PDE1A: variants seen among roughly 807,000 people sequenced by gnomAD.
PDE1A encodes the protein phosphodiesterase 1A.
A neutral mutation model predicts 61.7 loss-of-function variants in PDE1A; 35 were observed. The observed-to-expected ratio is 0.57, with a 90% CI of 0.43 to 0.75. PDE1A has a LOEUF of 0.75. Ranked by LOEUF, PDE1A falls within the 30% of genes least tolerant of loss-of-function variation. The pLI, the probability that PDE1A is intolerant of heterozygous loss-of-function variation, is 0.00. For synonymous variants in PDE1A, 232 were observed against 213.2 expected, an observed-to-expected ratio of 1.09 and a Z score of -0.77; for missense variants, 597 against 630.6, an observed-to-expected ratio of 0.95 and a Z score of 0.57.
chr2:182,517,367 T>G (rs535038388), intron 2 of PDE1A, among the ~76,000 whole-genome samples: 89 of 152,348 alleles, frequency 5.8e-4, no homozygotes, highest in African/African-American at 2.0e-3. Flanking sequence ...TGAATCTATC[T>G]CCAATCCTCC....
the PDE1A span, among the ~76,000 whole-genome samples, chr2:182,700,179 A>G: frequency 6.6e-6 from 1 of 152,138 alleles, no homozygotes; most frequent in Non-Finnish European, 1.5e-5. Flanking sequence ...CCAGTGATTT[A>G]CTCTCATGTT....
chr2:182,468,316 A>G (rs1574731945), intron 2 of PDE1A, among the ~76,000 whole-genome samples: 1 of 151,994 alleles, frequency 6.6e-6, no homozygotes, highest in Non-Finnish European at 1.5e-5. Flanking sequence ...GTACAAGTTT[A>G]TATCTGTTAT....
the PDE1A span, among the ~76,000 whole-genome samples, chr2:182,667,886 T>C: frequency 3.9e-5 from 6 of 152,194 alleles, no homozygotes; most frequent in African/African-American, 7.2e-5. Flanking sequence ...TAGGGCTTTA[T>C]TAGAAGCCAT....
At chr2:182,230,416 AG>A (rs2125640673) in intron 5 of PDE1A, among the ~76,000 whole-genome samples, 1 of 152,240 alleles carries the variant, frequency 6.6e-6, no homozygotes, top group East Asian at 1.9e-4. Context: ...TCTTCCGGAG[AG>A]TAGGAAGGCT....
intron 1 of PDE1A, among the ~76,000 whole-genome samples, chr2:182,328,999 G>A (rs1180920095): frequency 6.6e-6 from 1 of 152,090 alleles, no homozygotes; most frequent in South Asian, 2.1e-4. Context: ...CTTTTCTCTA[G>A]GGAAAGAATC....
intron 1 of PDE1A, among the ~76,000 whole-genome samples, chr2:182,367,418 T>C (rs1181649208): frequency 7.9e-5 from 12 of 152,082 alleles, no homozygotes; most frequent in Non-Finnish European, 7.4e-5. Context: ...TATCTTCATA[T>C]GTTTCAAGTT....
At chr2:182,279,616 C>T (rs1693670148) in intron 1 of PDE1A, among the ~76,000 whole-genome samples, 1 of 151,774 alleles carries the variant, frequency 6.6e-6, no homozygotes, top group South Asian at 2.1e-4. Context: ...TTTCTTTGGT[C>T]TTTCTCATTC....
chr2:182,678,900 T>C, the PDE1A span, among the ~76,000 whole-genome samples: 178 of 152,170 alleles, frequency 1.2e-3, no homozygotes, highest in Middle Eastern at 3.4e-3. Flanking sequence ...ATGGTAATTA[T>C]AGTTAACAGT....
the PDE1A span, among the ~76,000 whole-genome samples, chr2:182,643,358 G>A: frequency 6.6e-6 from 1 of 152,174 alleles, no homozygotes; most frequent in Non-Finnish European, 1.5e-5. Flanking sequence ...TGCCGCCTAG[G>A]TCTCATGTTT....
At chr2:182,182,536 T>C (rs1384105010) in intron 13 of PDE1A, among the ~76,000 whole-genome samples, 1 of 152,198 alleles carries the variant, frequency 6.6e-6, no homozygotes, top group Non-Finnish European at 1.5e-5. Flanking sequence ...ACATTTTCCA[T>C]TCTGTAGCAG....
the PDE1A span, among the ~76,000 whole-genome samples, chr2:182,640,759 C>T: frequency 1.3e-5 from 2 of 151,930 alleles, no homozygotes; most frequent in Non-Finnish European, 2.9e-5. Context: ...GTGGCTCATG[C>T]CTGTAATCCC....
In PDE1A at chr2:182,229,780, CTT is replaced by C. The variant is rs10716042; in HGVS notation, c.675+224_675+225del. Among the ~76,000 whole-genome samples, 230 of 139,184 alleles carry C rather than the reference CTT, an allele frequency of 1.7e-3. No homozygotes were observed. In the South Asian group the frequency reaches 0.022, roughly 13 times the overall value. 91.3% of individuals were successfully genotyped at this position (139,184 alleles called of 152,430 possible). A position where few individuals can be genotyped will look rare whatever the true frequency, so the allele number is the denominator to read the frequency against. On this transcript the variant is annotated intron_variant, in intron 6 of 13. Coordinates refer to ENST00000351439, the Ensembl canonical transcript of PDE1A. ...GTTTGGTAGTCCAAATTTTGGGAAA[CTT>C]TTTTTTTTTTTGCCTCTGGTTATCT... is the stretch of plus-strand genomic sequence containing the variant.
chr2:182,716,655 C>T, the PDE1A span, among the ~76,000 whole-genome samples: 3 of 152,208 alleles, frequency 2.0e-5, no homozygotes, highest in Non-Finnish European at 2.9e-5. Context: ...TCACACCACC[C>T]TTCCTCTGCC....
At chr2:182,534,688 T>C in the PDE1A span, among the ~76,000 whole-genome samples, 5 of 151,864 alleles carry the variant, frequency 3.3e-5, no homozygotes, top group East Asian at 7.7e-4. Context: ...TAATTACTTA[T>C]ATTAATTTTT....
intron 1 of PDE1A, among the ~76,000 whole-genome samples, chr2:182,327,971 G>A (rs1345721559): frequency 6.6e-6 from 1 of 152,230 alleles, no homozygotes; most frequent in African/African-American, 2.4e-5. Context: ...CTAAGTAGAA[G>A]CTATGGCTTT....
intron 3 of PDE1A, among the ~76,000 whole-genome samples, chr2:182,235,397 C>G (rs1689932521): frequency 6.6e-6 from 1 of 152,204 alleles, no homozygotes; most frequent in South Asian, 2.1e-4. Context: ...CCACATTGGC[C>G]TCTCAAAGTA....
At chr2:182,639,888 CATAG>C in the PDE1A span, among the ~76,000 whole-genome samples, 32 of 148,906 alleles carry the variant, frequency 2.1e-4, no homozygotes, top group African/African-American at 4.2e-4. Context: ...TATATATATG[CATAG>C]ATAATCTATA....
chr2:182,540,205 A>G, the PDE1A span, among the ~76,000 whole-genome samples: 1 of 152,114 alleles, frequency 6.6e-6, no homozygotes, highest in African/African-American at 2.4e-5. Context: ...CTCTACTAAA[A>G]ATACAAAAAT....
the PDE1A span, among the ~76,000 whole-genome samples, chr2:182,563,246 G>T: frequency 6.6e-6 from 1 of 152,008 alleles, no homozygotes; most frequent in African/African-American, 2.4e-5. Flanking sequence ...AGAGAGTCTG[G>T]TATGTTGTAC....
Sources: allele counts gnomAD v4.1 joint callset (sites outside exome capture counted in the v4.1 genomes callset), GRCh38; gene constraint gnomAD v4.1.1; transcripts MANE v1.5; gene names NCBI Gene and HGNC (gene_info 2026-07-23, HGNC 2026-07-21).